FAM107B: variants seen among roughly 807,000 people sequenced by gnomAD.
FAM107B encodes the protein protein FAM107B.
FAM107B carries 21 observed loss-of-function variants against 31.5 expected under a neutral mutation model. That is an observed-to-expected ratio of 0.67 (90% CI 0.47 to 0.96). The LOEUF is 0.96. Ranked by LOEUF, FAM107B falls within the 40% of genes least tolerant of loss-of-function variation. The probability of loss-of-function intolerance (pLI) is 0.00; values close to 1 mark genes in which losing one functional copy is unlikely to be tolerated. For synonymous variants in FAM107B, 157 were observed against 141.5 expected (o/e 1.11, Z -0.78); for missense variants, 452 against 377.1 (o/e 1.20, Z -1.64).
rs147601552 is a variant in FAM107B, at chr10:14,708,523, C to T, written c.412-40832G>A. Among the ~76,000 whole-genome samples, 257 of 152,138 alleles carry T rather than the reference C, an allele frequency of 1.7e-3. 3 individuals are homozygous for T. The highest frequency in any genetic ancestry group is 5.2e-3 in the East Asian group (27 of 5,176). ...CAGGGAAATGAATTTCCCAGGGAAA[C>T]GCCTTGAGACCAGTGGTAAAGTGAA... is the stretch of plus-strand genomic sequence containing the variant. On this transcript the variant is annotated intron_variant, in intron 1 of 4. Coordinates refer to ENST00000181796, the MANE Select transcript of FAM107B (RefSeq NM_031453.4).
chr10:14,593,847 G>A (rs1463505320), intron 2 of FAM107B, among the ~76,000 whole-genome samples: 2 of 152,124 alleles, frequency 1.3e-5, no homozygotes, highest in Non-Finnish European at 2.9e-5. Flanking sequence ...ACAAAACTAT[G>A]AAATCTTCCA....
At position 14,530,471 on chromosome 10, in the gene FAM107B, T is replaced by A. The variant is rs1286718889; in HGVS notation, c.514A>T (p.Thr172Ser). 1.9e-6 allele frequency: 3 copies of A among 1,613,934 alleles called. No homozygotes were observed. The highest frequency in any genetic ancestry group is 2.7e-5 in the African/African-American group (2 of 74,908). The change falls in exon 3 of 5, where the codon ACA (threonine) becomes TCA (serine). Residue 172 changes from threonine (T) to serine (S), a missense_variant. Transcript: ENST00000181796. ...DIDHKDSYLI[T>S]RSIMAEPDYI... ...TCTGGCTCGGCCATGATGCTTCTTG[T>A]AATGAGATATGAGTCCTTATGGTCA...
chr10:14,526,868 C>T (rs1846297734), intron 3 of FAM107B, among the ~76,000 whole-genome samples: 1 of 149,304 alleles, frequency 6.7e-6, no homozygotes, highest in Non-Finnish European at 1.5e-5. Context: ...GACGGAGTCT[C>T]GCTTTGTCAC....
At chr10:14,763,393 T>C (rs1351962770) in intron 1 of FAM107B, among the ~76,000 whole-genome samples, 1 of 152,154 alleles carries the variant, frequency 6.6e-6, no homozygotes, top group African/African-American at 2.4e-5. Flanking sequence ...CGTGAGACAT[T>C]CTCTATTGCA....
At chr10:14,594,521 A>G (rs1383548431) in intron 2 of FAM107B, among the ~76,000 whole-genome samples, 1 of 151,926 alleles carries the variant, frequency 6.6e-6, no homozygotes, top group African/African-American at 2.4e-5. Context: ...AAAAAAACAA[A>G]AAAAAACAAA....
intron 1 of FAM107B, among the ~76,000 whole-genome samples, chr10:14,750,631 T>C (rs1204618092): frequency 6.6e-6 from 1 of 151,932 alleles, no homozygotes; most frequent in African/African-American, 2.4e-5. Flanking sequence ...AAAATAGCAC[T>C]GCAAAGCTAT....
intron 2 of FAM107B, among the ~76,000 whole-genome samples, chr10:14,538,997 G>A (rs1038369419): frequency 3.9e-5 from 6 of 152,186 alleles, no homozygotes; most frequent in Non-Finnish European, 8.8e-5. Flanking sequence ...GAAAACTCAT[G>A]GAAAACATCT....
chr10:14,757,406 C>G (rs1201723380), intron 1 of FAM107B, among the ~76,000 whole-genome samples: 1 of 152,034 alleles, frequency 6.6e-6, no homozygotes. Context: ...TTGCCGGCCC[C>G]TATAACTGCA....
chr10:14,641,091 A>T (rs1313658116), intron 2 of FAM107B, among the ~76,000 whole-genome samples: 2 of 152,214 alleles, frequency 1.3e-5, no homozygotes, highest in Non-Finnish European at 2.9e-5. Context: ...CTTTAGCAGA[A>T]GGGGAAAACG....
intron 1 of FAM107B, among the ~76,000 whole-genome samples, chr10:14,677,507 G>A (rs1854714981): frequency 6.6e-6 from 1 of 152,114 alleles, no homozygotes; most frequent in Non-Finnish European, 1.5e-5. Context: ...TGTAGTCCCA[G>A]CTACTCGGCA....
intron 2 of FAM107B, among the ~76,000 whole-genome samples, chr10:14,642,723 A>G (rs999873228): frequency 2.0e-5 from 3 of 152,176 alleles, no homozygotes; most frequent in African/African-American, 7.2e-5. Context: ...ACATTTCCCT[A>G]TAAGCAATCA....
chr10:14,689,655 A>G (rs759209464), intron 1 of FAM107B, among the ~76,000 whole-genome samples: 1 of 152,070 alleles, frequency 6.6e-6, no homozygotes, highest in Non-Finnish European at 1.5e-5. Flanking sequence ...TTCGCTTTTA[A>G]TTTTTGTTTA....
chr10:14,649,504 C>A (rs1195152789), intron 2 of FAM107B, among the ~76,000 whole-genome samples: 1 of 152,122 alleles, frequency 6.6e-6, no homozygotes, highest in African/African-American at 2.4e-5. Flanking sequence ...ATAATAAGAA[C>A]CTTAGTCTCC....
At chr10:14,581,681 G>A (rs1307620072) in intron 2 of FAM107B, among the ~76,000 whole-genome samples, 5 of 152,198 alleles carry the variant, frequency 3.3e-5, no homozygotes, top group Admixed American at 2.6e-4. Flanking sequence ...CAGGATGACT[G>A]TTTGAGGTCA....
intron 2 of FAM107B, among the ~76,000 whole-genome samples, chr10:14,535,771 A>G (rs1014177481): frequency 6.6e-6 from 1 of 152,242 alleles, no homozygotes; most frequent in Admixed American, 6.5e-5. Context: ...TGTATTTCAG[A>G]CAGACACACT....
At chr10:14,577,585 C>A (rs577672137) in intron 2 of FAM107B, among the ~76,000 whole-genome samples, 25 of 152,282 alleles carry the variant, frequency 1.6e-4, no homozygotes, top group African/African-American at 6.0e-4. Flanking sequence ...AGAGTGTTAG[C>A]CCCTGATTTT....
At chr10:14,755,365 A>C (rs1290213832) in intron 1 of FAM107B, among the ~76,000 whole-genome samples, 3 of 152,076 alleles carry the variant, frequency 2.0e-5, no homozygotes, top group Non-Finnish European at 4.4e-5. Context: ...AACATGGTGA[A>C]ACCCCATCTC....
Position 14,736,999 on chromosome 10 carries a change from T to C in FAM107B, c.411+37254A>G, listed in dbSNP as rs573091299. 7.9e-5 allele frequency among the ~76,000 whole-genome samples: 12 copies of C among 152,018 alleles called. No individual in the cohort carries two copies. The South Asian group carries it at 2.3e-3, about 29-fold the overall frequency. On this transcript the variant is annotated intron_variant, in intron 1 of 4. Transcript: ENST00000181796. ...AGGCCACACAGCAGACCTCACTGCC[T>C]GAGGAAGGCGGGGAGTATGAAGGCT...
At chr10:14,702,627 G>A (rs549933770) in intron 1 of FAM107B, among the ~76,000 whole-genome samples, 3 of 152,300 alleles carry the variant, frequency 2.0e-5, no homozygotes, top group Admixed American at 1.3e-4. Context: ...TGGGATTACA[G>A]GCATGAGCTG....
Sources: gnomAD v4.1 joint callset for allele counts (sites outside exome capture counted in the v4.1 genomes callset) on GRCh38, gnomAD v4.1.1 for gene constraint, MANE v1.5 for transcripts, NCBI Gene and HGNC (gene_info 2026-07-23, HGNC 2026-07-21) for gene names.